AP1AR: variants seen among roughly 807,000 people sequenced by gnomAD.
The protein encoded by AP1AR is AP-1 complex-associated regulatory protein.
Under a neutral mutation model 46.3 loss-of-function variants are expected in AP1AR, and 29 were observed. The ratio of observed to expected loss-of-function variants is 0.63; its 90% CI spans 0.47 to 0.85. The LOEUF (loss-of-function observed/expected upper bound fraction) is 0.85, where lower values mean the gene tolerates loss of function less well. Ranked by LOEUF, AP1AR falls within the 40% of genes least tolerant of loss-of-function variation. The pLI is 0.00. For synonymous variants in AP1AR, 122 were observed against 122.9 expected, an observed-to-expected ratio of 0.99 and a Z score of 0.05; for missense variants, 357 against 356.3, an observed-to-expected ratio of 1.00 and a Z score of -0.02.
At position 112,265,760 on chromosome 4, in the gene AP1AR, C is replaced by T; in HGVS notation, c.467C>T (p.Ser156Phe). Residue 156 changes from serine (S) to phenylalanine (F), a missense_variant, in exon 8 of 10, where the codon TCT becomes TTT. Around this residue, in one of 2 missense-constraint regions of AP1AR, gnomAD observed 269 missense variants for 223.6 expected, o/e 1.20. Transcript: ENST00000274000. ...QSSGPEDDFE[S>F]CLRNMKSQYE... ...TCAGGACCAGAAGATGACTTCGAAT[C>T]TTGTTTGAGAAATATGAAGTCACAG... is the stretch of plus-strand genomic sequence containing the variant. 6.2e-7 allele frequency: 1 copy of T among 1,609,532 alleles called. No homozygotes were observed. Among genetic ancestry groups the T allele is most frequent in the Non-Finnish European group, 8.5e-7 (1 of 1,177,550 alleles).
chr4:112,247,419 A>C (rs1240707106), intron 1 of AP1AR, among the ~76,000 whole-genome samples: 1 of 152,222 alleles, frequency 6.6e-6, no homozygotes, highest in Non-Finnish European at 1.5e-5. Context: ...TTCGAATTTG[A>C]ATAGAGGAGT....
At chr4:112,253,301 G>T in intron 2 of AP1AR, 45 bp downstream of exon 2, 1 of 1,435,328 alleles carries the variant, frequency 7.0e-7, no homozygotes, top group Non-Finnish European at 9.7e-7. Context: ...CCTTCAGAAA[G>T]GCGGAAGGGG....
intron 1 of AP1AR, among the ~76,000 whole-genome samples, chr4:112,235,770 A>G (rs1725213753): frequency 6.6e-6 from 1 of 152,162 alleles, no homozygotes; most frequent in African/African-American, 2.4e-5. Context: ...CTATAGGTAA[A>G]CATTTGGTTG....
In AP1AR at chr4:112,269,072, A is replaced by T. The variant is rs1474291443; in HGVS notation, c.*663A>T. Reference sequence around the variant, plus strand: ...GTTTGGACATTTCAAGTTGGTAATAATAAAAAATAATATTTAAGAAGATAT... The same window carrying T: ...GTTTGGACATTTCAAGTTGGTAATATTAAAAAATAATATTTAAGAAGATAT... On this transcript the variant is annotated 3_prime_UTR_variant, in exon 10 of 10. Coordinates refer to ENST00000274000, the MANE Select transcript of AP1AR (RefSeq NM_018569.6). 7.1e-6 allele frequency: 1 copy of T among 140,238 alleles called. No homozygotes were observed. Among genetic ancestry groups the T allele is most frequent in the Non-Finnish European group, 1.5e-5 (1 of 65,592 alleles). 8.7% of individuals were successfully genotyped at this position (140,238 alleles called of 1,614,324 possible).
intron 3 of AP1AR, among the ~76,000 whole-genome samples, chr4:112,257,234 C>T (rs987075253): frequency 2.0e-5 from 3 of 152,130 alleles, no homozygotes; most frequent in African/African-American, 4.8e-5. Context: ...AACAAGAAAG[C>T]GGAGTGTCTG....
At chr4:112,260,901 T>C (rs1420024933) in intron 5 of AP1AR, 39 bp downstream of exon 5, 1 of 1,272,492 alleles carries the variant, frequency 7.9e-7, no homozygotes, top group South Asian at 1.4e-5. Flanking sequence ...CATGTTATCA[T>C]AAAGAGAGAA....
intron 1 of AP1AR, among the ~76,000 whole-genome samples, chr4:112,232,944 A>ATAATTCC (rs1306104753): frequency 7.2e-5 from 11 of 152,228 alleles, no homozygotes; most frequent in Admixed American, 3.3e-4. Context: ...TAGTAATTTC[A>ATAATTCC]TAATTCCGTT....
At position 112,232,052 on chromosome 4, in the gene AP1AR, G is replaced by C. The variant is rs935191017; in HGVS notation, c.-40G>C. 7.5e-7 allele frequency: 1 copy of C among 1,339,654 alleles called. No homozygotes were observed. The highest frequency in any genetic ancestry group is 9.7e-7 in the Non-Finnish European group (1 of 1,034,834). The allele number at this position is 1,339,654 out of a possible 1,614,324, so 83.0% of individuals were successfully genotyped here. On this transcript the variant is annotated 5_prime_UTR_variant, in exon 1 of 10. Coordinates refer to ENST00000274000, the MANE Select transcript of AP1AR (RefSeq NM_018569.6). The stretch of plus-strand genomic sequence containing the variant: ...CCGGGCCTGGGTTTGGGCATTGAGC[G>C]GGAGGAGGAGGAGGAGCGGCGGCGC...
rs562722006 is a variant in AP1AR at position 112,272,419 on chromosome 4, T to G, written c.*4010T>G. On this transcript the variant is annotated 3_prime_UTR_variant, in exon 10 of 10. Transcript: ENST00000274000. ...CGCAGTAAGGGGCAAAATGACAGAG[T>G]TTGACAAATATATGACCTTCCCATG... 1.9e-4 allele frequency among the ~76,000 whole-genome samples: 29 copies of G among 152,022 alleles called. No homozygotes were observed. Among genetic ancestry groups the G allele is most frequent in the Middle Eastern group, 3.4e-3 (1 of 294 alleles).
At chr4:112,258,119 A>G (rs1056661894) in intron 4 of AP1AR, among the ~76,000 whole-genome samples, 1 of 152,076 alleles carries the variant, frequency 6.6e-6, no homozygotes, top group African/African-American at 2.4e-5. Context: ...TTCTTTCCTT[A>G]TGCATTCTAA....
chr4:112,257,807 T>C lies in AP1AR; in HGVS notation c.185+10T>C. On this transcript the variant is annotated intron_variant, in intron 4 of 9. Transcript: ENST00000274000. ...CAGGAAGCAGTCATAGGTAAGGCTT[T>C]GTTAAAAAAAAAAAACAAAACTTCT... 6.5e-7 allele frequency: 1 copy of C among 1,547,822 alleles called. No homozygotes were observed. The highest frequency in any genetic ancestry group is 8.7e-7 in the Non-Finnish European group (1 of 1,152,276).
At chr4:112,265,932 T>G in intron 8 of AP1AR, 125 bp downstream of exon 8, 2 of 600,256 alleles carry the variant, frequency 3.3e-6, no homozygotes, top group Non-Finnish European at 5.7e-6. Flanking sequence ...TAGGTCAATT[T>G]CCTAGGTAGT....
chr4:112,264,988 T>C (rs769930818), intron 6 of AP1AR, 21 bp from the exon 7 acceptor site: 1 of 1,575,606 alleles, frequency 6.3e-7, no homozygotes, highest in South Asian at 1.2e-5. Flanking sequence ...TGATTTTTTT[T>C]ATTACATTAT....
chr4:112,240,692 G>A (rs1311738044), intron 1 of AP1AR, among the ~76,000 whole-genome samples: 2 of 151,962 alleles, frequency 1.3e-5, no homozygotes, highest in South Asian at 2.1e-4. Flanking sequence ...CTCATTCCTC[G>A]GCCTCAGGCT....
intron 1 of AP1AR, among the ~76,000 whole-genome samples, chr4:112,238,199 C>T (rs1434846901): frequency 3.3e-5 from 5 of 152,248 alleles, no homozygotes; most frequent in Admixed American, 1.3e-4. Flanking sequence ...TGTGTTTTAT[C>T]ACTCTCTCCA....
Position 112,266,550 on chromosome 4 carries a change from A to T in AP1AR, c.515-38A>T. On this transcript the variant is annotated intron_variant, in intron 8 of 9. Transcript: ENST00000274000. Reference sequence around the variant, plus strand: ...AAAACGGCTGTTGCGGTGGAAGAGTAGATGAGAGTATTCAATTGTATTTCG... The same window carrying T: ...AAAACGGCTGTTGCGGTGGAAGAGTTGATGAGAGTATTCAATTGTATTTCG... 6 of 1,596,214 alleles carry T rather than the reference A, an allele frequency of 3.8e-6. No individual in the cohort carries two copies. In the South Asian group the frequency reaches 6.8e-5, roughly 18 times the overall value.
At position 112,263,025 on chromosome 4, in the gene AP1AR, A is replaced by C. The variant is rs776891284; in HGVS notation, c.320A>C (p.Glu107Ala). The change falls in exon 6 of 10, where the codon GAA becomes GCA. Residue 107 changes from glutamate (E) to alanine (A), a missense_variant. Coordinates refer to ENST00000274000, the MANE Select transcript of AP1AR (RefSeq NM_018569.6). ...LQEEKLRLEE[E>A]ALYAAQREAA... Reference sequence around the variant, plus strand: ...GAAGAGAAGTTAAGACTAGAAGAAGAAGCTTTATACGCTGCACAGCGTGAA... The same window carrying C: ...GAAGAGAAGTTAAGACTAGAAGAAGCAGCTTTATACGCTGCACAGCGTGAA... 7.7e-5 allele frequency: 124 copies of C among 1,613,752 alleles called. No homozygotes were observed. The highest frequency in any genetic ancestry group is 9.3e-5 in the Non-Finnish European group (110 of 1,179,874).
chr4:112,237,439 G>T (rs1211480314), intron 1 of AP1AR, among the ~76,000 whole-genome samples: 1 of 149,954 alleles, frequency 6.7e-6, no homozygotes, highest in Non-Finnish European at 1.5e-5. Flanking sequence ...TGCCTTTGTG[G>T]GTGATATTTA....
rs2110458592 is a variant in AP1AR at position 112,231,948 on chromosome 4, C to G, written c.-144C>G. Reference sequence around the variant, plus strand: ...GCGCCTCGTCTTTCGTCGCCCCGTGCCCTCACGCCGCCGGGCTCTGGCCGG... The same window carrying G: ...GCGCCTCGTCTTTCGTCGCCCCGTGGCCTCACGCCGCCGGGCTCTGGCCGG... On this transcript the variant is annotated 5_prime_UTR_variant, in exon 1 of 10. Transcript: ENST00000274000. 1.6e-6 allele frequency: 1 copy of G among 634,474 alleles called. No individual in the cohort carries two copies. Among genetic ancestry groups the G allele is most frequent in the Non-Finnish European group, 2.3e-6 (1 of 433,118 alleles). The allele number at this position is 634,474 out of a possible 1,614,324, so 39.3% of individuals were successfully genotyped here.
Sources: allele counts gnomAD v4.1 joint callset (sites outside exome capture counted in the v4.1 genomes callset), GRCh38; gene constraint gnomAD v4.1.1; regional missense constraint gnomAD v4.1.1; transcripts MANE v1.5; gene names NCBI Gene and HGNC (gene_info 2026-07-23, HGNC 2026-07-21).